Variants in CNTLN observed in about 807,000 individuals in gnomAD.
CNTLN encodes the protein centlein, centrosomal protein.
A neutral mutation model predicts 180.0 loss-of-function variants in CNTLN; 212 were observed. The ratio of observed to expected loss-of-function variants is 1.18; its 90% CI spans 1.05 to 1.32. The LOEUF (loss-of-function observed/expected upper bound fraction) is 1.32, where lower values mean the gene tolerates loss of function less well. Among genes scored for constraint, CNTLN ranks in the 40% most tolerant of loss-of-function variants. The probability of loss-of-function intolerance (pLI) is 0.00; values close to 1 mark genes in which losing one functional copy is unlikely to be tolerated. For missense variants in CNTLN, 2,095 were observed against 1,610.9 expected, an observed-to-expected ratio of 1.30 and a Z score of -5.14; for synonymous variants, 722 against 563.1, an observed-to-expected ratio of 1.28 and a Z score of -3.99.
At chr9:17,188,550 C>T (rs1821580828) in intron 2 of CNTLN, among the ~76,000 whole-genome samples, 1 of 152,090 alleles carries the variant, frequency 6.6e-6, no homozygotes, top group Admixed American at 6.5e-5. Context: ...GACTATGATC[C>T]TCATTTATGA....
chr9:17,263,247 G>C (rs533340432), intron 5 of CNTLN, among the ~76,000 whole-genome samples: 1 of 128,698 alleles, frequency 7.8e-6, no homozygotes, highest in African/African-American at 3.1e-5. Context: ...CTGTGTCCAT[G>C]TGATCTCATT....
the CNTLN span, among the ~76,000 whole-genome samples, chr9:17,524,917 A>G: frequency 6.6e-6 from 1 of 152,334 alleles, no homozygotes; most frequent in East Asian, 1.9e-4. Flanking sequence ...TGTTGTTGCT[A>G]GGAGCTAGCC....
chr9:17,403,239 A>G (rs545435887), intron 15 of CNTLN, among the ~76,000 whole-genome samples: 1 of 151,870 alleles, frequency 6.6e-6, no homozygotes, highest in East Asian at 1.9e-4. Flanking sequence ...TTTCACAGCT[A>G]TCTGAGGGCT....
intron 25 of CNTLN, among the ~76,000 whole-genome samples, chr9:17,496,136 C>G (rs1003457857): frequency 6.6e-6 from 1 of 152,106 alleles, no homozygotes. Flanking sequence ...GATTCTGGAG[C>G]AACATATTTA....
At chr9:17,324,509 C>A (rs957170637) in intron 8 of CNTLN, among the ~76,000 whole-genome samples, 2 of 152,170 alleles carry the variant, frequency 1.3e-5, no homozygotes, top group South Asian at 2.1e-4. Context: ...TTATTCTAAA[C>A]CCTCTTGTGT....
intron 13 of CNTLN, among the ~76,000 whole-genome samples, chr9:17,367,514 C>A (rs1284449814): frequency 1.3e-5 from 2 of 152,136 alleles, no homozygotes; most frequent in Non-Finnish European, 2.9e-5. Flanking sequence ...CCAGCCAGGG[C>A]AGCTCATGGG....
intron 2 of CNTLN, among the ~76,000 whole-genome samples, chr9:17,192,021 C>T (rs113335204): frequency 3.3e-5 from 5 of 152,144 alleles, no homozygotes; most frequent in African/African-American, 1.2e-4. Context: ...TAGAATGATA[C>T]ATTTTACAAA....
rs150284111 is a variant in CNTLN at position 17,416,063 on chromosome 9, T to C, written c.2988T>C (p.Ser996=). The C allele has an allele frequency of 4.6e-4, 735 of 1,613,590 alleles. 5 individuals carry two copies. The East Asian group carries it at 0.014, about 32-fold the overall frequency. The change falls in exon 18 of 26, where the codon AGT becomes AGC. Residue 996 remains serine (S), a synonymous_variant. Coordinates refer to ENST00000380647, the MANE Select transcript of CNTLN (RefSeq NM_017738.4). ...ERIISLQQQN[S]VLQNAKKTAE... is the part of the protein sequence containing the mutation. ...TTATATCCTTGCAACAACAAAACAGTGTACTTCAGAATGCCAAGAAAACAG... is the reference window on the plus strand; with the variant it reads ...TTATATCCTTGCAACAACAAAACAGCGTACTTCAGAATGCCAAGAAAACAG...
intron 12 of CNTLN, among the ~76,000 whole-genome samples, chr9:17,352,389 A>AATATAT (rs373257904): frequency 1.5e-4 from 13 of 84,424 alleles, no homozygotes; most frequent in African/African-American, 4.6e-4. Context: ...CTCAAGCTAG[A>AATATAT]ATATATATAT....
chr9:17,407,972 A>C (rs1055490227), intron 15 of CNTLN, among the ~76,000 whole-genome samples: 2 of 151,690 alleles, frequency 1.3e-5, no homozygotes, highest in African/African-American at 2.4e-5. Context: ...CTAAAAATAC[A>C]AAAAATTAGC....
intron 18 of CNTLN, among the ~76,000 whole-genome samples, chr9:17,449,366 G>A (rs1830654223): frequency 6.7e-6 from 1 of 149,842 alleles, no homozygotes; most frequent in Non-Finnish European, 1.5e-5. Flanking sequence ...GAGAACATGC[G>A]GTGTTTGGTT....
At chr9:17,316,251 A>T (rs901793219) in intron 8 of CNTLN, among the ~76,000 whole-genome samples, 3 of 152,048 alleles carry the variant, frequency 2.0e-5, no homozygotes, top group African/African-American at 7.2e-5. Context: ...TAATATAGCC[A>T]CCACAGCTTC....
chr9:17,233,724 T>C (rs1400871808), intron 3 of CNTLN, among the ~76,000 whole-genome samples: 2 of 143,834 alleles, frequency 1.4e-5, no homozygotes, highest in Non-Finnish European at 3.0e-5. Flanking sequence ...AAGAAATTGA[T>C]CTAGTTACAT....
intron 16 of CNTLN, among the ~76,000 whole-genome samples, chr9:17,414,862 A>T (rs1828107712): frequency 6.6e-6 from 1 of 152,126 alleles, no homozygotes; most frequent in African/African-American, 2.4e-5. Context: ...GGCCGAGGCG[A>T]GTGGCTCACT....
intron 18 of CNTLN, among the ~76,000 whole-genome samples, chr9:17,418,968 C>A (rs1329694265): frequency 6.6e-6 from 1 of 151,930 alleles, no homozygotes; most frequent in Non-Finnish European, 1.5e-5. Flanking sequence ...GTGTTTTAAA[C>A]CATTGTAGAA....
At chr9:17,355,847 G>A (rs1822792234) in intron 12 of CNTLN, among the ~76,000 whole-genome samples, 1 of 151,914 alleles carries the variant, frequency 6.6e-6, no homozygotes, top group Non-Finnish European at 1.5e-5. Flanking sequence ...GGTGGATCAC[G>A]AGGTTAAGAG....
chr9:17,301,152 G>A (rs1159384991), intron 7 of CNTLN: 1 of 985,238 alleles, frequency 1.0e-6, no homozygotes, highest in Non-Finnish European at 1.2e-6. Context: ...ATTAATTTCT[G>A]ATAACTTTTC....
At chr9:17,325,134 A>T (rs1375146084) in intron 8 of CNTLN, among the ~76,000 whole-genome samples, 2 of 149,224 alleles carry the variant, frequency 1.3e-5, no homozygotes, top group East Asian at 3.9e-4. Flanking sequence ...TTTTATTATA[A>T]CACTATTTTG....
intron 12 of CNTLN, among the ~76,000 whole-genome samples, chr9:17,357,468 A>G (rs1340131724): frequency 6.6e-6 from 1 of 151,158 alleles, no homozygotes; most frequent in Non-Finnish European, 1.5e-5. Context: ...ACATGAGTCC[A>G]TATACATATG....
Sources: gnomAD v4.1 joint callset for allele counts (sites outside exome capture counted in the v4.1 genomes callset) on GRCh38, gnomAD v4.1.1 for gene constraint, MANE v1.5 for transcripts, NCBI Gene and HGNC (gene_info 2026-07-23, HGNC 2026-07-21) for gene names.